The following LEKR1 variants were observed in gnomAD, a reference collection of about 807,000 sequenced individuals.
The protein encoded by LEKR1 is protein LEKR1.
Under a neutral mutation model 72.4 loss-of-function variants are expected in LEKR1, and 59 were observed. That is an observed-to-expected ratio of 0.82 (90% CI 0.66 to 1.01). The LOEUF (loss-of-function observed/expected upper bound fraction) is 1.01. LEKR1 is among the 50% of genes least tolerant of loss of function. The probability of loss-of-function intolerance (pLI) is 0.00; values close to 1 mark genes in which losing one functional copy is unlikely to be tolerated. For synonymous variants in LEKR1, 257 were observed against 263.2 expected, an observed-to-expected ratio of 0.98 and a Z score of 0.23; for missense variants, 728 against 759.2, an observed-to-expected ratio of 0.96 and a Z score of 0.48.
chr3:156,901,467 G>A (rs1253146100), intron 3 of LEKR1, among the ~76,000 whole-genome samples: 1 of 152,018 alleles, frequency 6.6e-6, no homozygotes. Flanking sequence ...GCTTAATTAT[G>A]CCAGTTATGG....
intron 3 of LEKR1, among the ~76,000 whole-genome samples, chr3:156,865,978 C>T (rs1209819381): frequency 6.6e-6 from 1 of 152,004 alleles, no homozygotes; most frequent in Non-Finnish European, 1.5e-5. Flanking sequence ...TTTTATAATG[C>T]TCCTTAAATA....
chr3:156,892,010 G>A (rs1720712387), intron 3 of LEKR1, among the ~76,000 whole-genome samples: 1 of 151,780 alleles, frequency 6.6e-6, no homozygotes, highest in Admixed American at 6.6e-5. Flanking sequence ...CAAGTTATAA[G>A]CCTACTATTA....
chr3:156,922,647 G>C (rs988223485), intron 4 of LEKR1, among the ~76,000 whole-genome samples: 3 of 152,158 alleles, frequency 2.0e-5, no homozygotes, highest in Non-Finnish European at 2.9e-5. Flanking sequence ...TTTCCAGCCT[G>C]TGTCTTGCAA....
At chr3:157,033,611 A>G (rs1734770318) in intron 12 of LEKR1, among the ~76,000 whole-genome samples, 1 of 152,226 alleles carries the variant, frequency 6.6e-6, no homozygotes, top group Non-Finnish European at 1.5e-5. Context: ...ACAAGAAGCC[A>G]TTTCCAGAAC....
intron 10 of LEKR1, among the ~76,000 whole-genome samples, chr3:157,021,635 C>T: frequency 6.6e-6 from 1 of 152,078 alleles, no homozygotes; most frequent in Admixed American, 6.6e-5. Context: ...GCAATCAATC[C>T]GTATTTGGAA....
intron 6 of LEKR1, among the ~76,000 whole-genome samples, chr3:156,961,765 A>G (rs1231928210): frequency 6.6e-6 from 1 of 152,170 alleles, no homozygotes; most frequent in East Asian, 1.9e-4. Flanking sequence ...ATTAATTTCT[A>G]TGTCTCAGTT....
At chr3:156,957,290 A>G (rs552967365) in intron 6 of LEKR1, among the ~76,000 whole-genome samples, 8 of 152,222 alleles carry the variant, frequency 5.3e-5, no homozygotes, top group African/African-American at 1.7e-4. Context: ...CAGTGTAAAA[A>G]GAATCCACAA....
chr3:156,854,809 C>T (rs1228942201), intron 3 of LEKR1, among the ~76,000 whole-genome samples: 1 of 152,030 alleles, frequency 6.6e-6, no homozygotes, highest in African/African-American at 2.4e-5. Context: ...CTGCCTTGGC[C>T]TCCCAAAGTG....
At chr3:156,880,806 TC>T (rs1719217096) in intron 3 of LEKR1, among the ~76,000 whole-genome samples, 1 of 152,196 alleles carries the variant, frequency 6.6e-6, no homozygotes. Flanking sequence ...TCCACCATAA[TC>T]AAGTGGGCTT....
intron 6 of LEKR1, among the ~76,000 whole-genome samples, chr3:156,978,042 T>A (rs994069746): frequency 5.9e-5 from 9 of 152,154 alleles, no homozygotes; most frequent in Non-Finnish European, 1.0e-4. Flanking sequence ...AATGAGAACT[T>A]TTTTTAGAGA....
At position 156,852,787 on chromosome 3, in the gene LEKR1, T is replaced by A; in HGVS notation, c.68T>A (p.Val23Asp). The part of the protein sequence containing the change: ...EIQKMLPEEK[V>D]CKYCGVSYLI... ...TCCTAGATGTTGCCTGAAGAAAAAGTTTGTAAGTACTGTGGAGTCAGCTAT... is the reference window on the plus strand; with the variant it reads ...TCCTAGATGTTGCCTGAAGAAAAAGATTGTAAGTACTGTGGAGTCAGCTAT... The change falls in exon 3 of 13, where the codon GTT (valine) becomes GAT (aspartate). Residue 23 changes from valine to aspartate, a missense_variant. Transcript: ENST00000356539. The A allele has an allele frequency of 1.3e-6, 2 of 1,522,470 alleles. No homozygotes were observed. Among genetic ancestry groups the A allele is most frequent in the African/African-American group, 2.8e-5 (2 of 72,062 alleles). 94.3% of individuals were successfully genotyped at this position (1,522,470 alleles called of 1,614,324 possible).
Position 156,899,613 on chromosome 3 carries a change from CACAT to C in LEKR1, c.264-20960_264-20957del, listed in dbSNP as rs1467752006. On this transcript the variant is annotated intron_variant, in intron 3 of 12. Coordinates refer to ENST00000356539, the MANE Select transcript of LEKR1 (RefSeq NM_001004316.3). ...ATATATACATATACGTATATATACA[CACAT>C]ATATACACATATATACACGCATATA... Among the ~76,000 whole-genome samples the C allele has an allele frequency of 3.6e-5, 4 of 110,430 alleles. No individual in the cohort carries two copies. The East Asian group carries it at 9.8e-4, about 27-fold the overall frequency. The allele number at this position is 110,430 out of a possible 152,430, so 72.4% of individuals were successfully genotyped here.
At chr3:156,870,195 T>G (rs905536677) in intron 3 of LEKR1, among the ~76,000 whole-genome samples, 1 of 152,094 alleles carries the variant, frequency 6.6e-6, no homozygotes, top group African/African-American at 2.4e-5. Flanking sequence ...TGAACTCCCT[T>G]GGTTCCACGC....
At chr3:156,843,964 T>C (rs777840860) in intron 2 of LEKR1, among the ~76,000 whole-genome samples, 7 of 152,132 alleles carry the variant, frequency 4.6e-5, no homozygotes, top group Non-Finnish European at 1.0e-4. Context: ...TGACCCAAGG[T>C]AGTTCATTAG....
intron 9 of LEKR1, among the ~76,000 whole-genome samples, chr3:157,004,601 G>T (rs75783525): frequency 0.12 from 17,523 of 152,010 alleles, 1,152 homozygotes; most frequent in East Asian, 0.18. Context: ...AAATTTTAAA[G>T]GATTTAAATA....
intron 11 of LEKR1, 132 bp from the exon 12 acceptor site, chr3:157,027,971 A>C (rs1734327327): frequency 1.9e-6 from 1 of 529,860 alleles, no homozygotes; most frequent in Non-Finnish European, 3.3e-6. Context: ...GAAGGCCTGC[A>C]CATCATGGGT....
chr3:157,027,008 C>T (rs1734233738), intron 11 of LEKR1, among the ~76,000 whole-genome samples: 1 of 152,146 alleles, frequency 6.6e-6, no homozygotes, highest in African/African-American at 2.4e-5. Context: ...TGCTGTCCGT[C>T]ATGATAGCCA....
At chr3:156,951,301 C>T (rs1198508719) in intron 6 of LEKR1, among the ~76,000 whole-genome samples, 1 of 151,570 alleles carries the variant, frequency 6.6e-6, no homozygotes, top group Non-Finnish European at 1.5e-5. Context: ...TGATGTTCAT[C>T]ATGGATATTG....
chr3:156,832,904 C>G (rs1339977060), intron 2 of LEKR1, among the ~76,000 whole-genome samples: 1 of 151,974 alleles, frequency 6.6e-6, no homozygotes. Flanking sequence ...TGTCCTGTTG[C>G]AAAAAACAAA....
Sources: allele counts gnomAD v4.1 joint callset (sites outside exome capture counted in the v4.1 genomes callset), GRCh38; gene constraint gnomAD v4.1.1; transcripts MANE v1.5; gene names NCBI Gene and HGNC (gene_info 2026-07-23, HGNC 2026-07-21).